Variants in RASSF3 observed in about 807,000 individuals in gnomAD.
The protein encoded by RASSF3 is ras association domain-containing protein 3.
A neutral mutation model predicts 19.9 loss-of-function variants in RASSF3; 19 were observed. That is an observed-to-expected ratio of 0.96 (90% CI 0.67 to 1.40). RASSF3 has a LOEUF of 1.40. Among genes scored for constraint, RASSF3 ranks in the 40% most tolerant of loss-of-function variants. The pLI is 0.00. For missense variants in RASSF3, 306 were observed against 289.8 expected, an observed-to-expected ratio of 1.06 and a Z score of -0.41; for synonymous variants, 110 against 104.2, an observed-to-expected ratio of 1.06 and a Z score of -0.34.
intron 2 of RASSF3, among the ~76,000 whole-genome samples, chr12:64,562,379 C>T (rs1415100848): frequency 6.6e-6 from 1 of 152,118 alleles, no homozygotes; most frequent in African/African-American, 2.4e-5. Flanking sequence ...GCTCCTTAGA[C>T]ATCCTGGTTA....
At chr12:64,604,129 C>CTTT (rs201730918) in intron 2 of RASSF3, among the ~76,000 whole-genome samples, 2 of 126,010 alleles carry the variant, frequency 1.6e-5, no homozygotes, top group African/African-American at 2.9e-5. Flanking sequence ...TACAGGTTTT[C>CTTT]TTTTTTTTTT....
chr12:64,594,459 C>CA (rs1245303873), intron 2 of RASSF3, among the ~76,000 whole-genome samples: 1 of 152,070 alleles, frequency 6.6e-6, no homozygotes, highest in African/African-American at 2.4e-5. Flanking sequence ...ACTGAATAAA[C>CA]AAAAACAATG....
intron 1 of RASSF3, among the ~76,000 whole-genome samples, chr12:64,669,695 G>A (rs886756648): frequency 1.8e-4 from 27 of 151,798 alleles, no homozygotes; most frequent in African/African-American, 3.1e-4. Context: ...AGCAGACCAC[G>A]GCCAGGGTTG....
intron 1 of RASSF3, among the ~76,000 whole-genome samples, chr12:64,537,004 C>T (rs1868840585): frequency 6.6e-6 from 1 of 152,252 alleles, no homozygotes; most frequent in African/African-American, 2.4e-5. Context: ...GGCCACATCT[C>T]CTGTGCTGGA....
chr12:64,522,067 T>C (rs936348188), intron 1 of RASSF3, among the ~76,000 whole-genome samples: 1 of 152,234 alleles, frequency 6.6e-6, no homozygotes, highest in Admixed American at 6.5e-5. Context: ...TTAGGCACGG[T>C]AAACTTTTTT....
downstream of RASSF3, among the ~76,000 whole-genome samples, chr12:64,543,619 C>T (rs1260814962): frequency 6.8e-6 from 1 of 147,236 alleles, no homozygotes; most frequent in Non-Finnish European, 1.5e-5. Flanking sequence ...CATCCACTGC[C>T]CAAGGGCTGA....
At chr12:64,575,882 ATTTTTTT>A (rs766838564) in intron 2 of RASSF3, 2 of 138,296 alleles carry the variant, frequency 1.4e-5, no homozygotes, top group Admixed American at 1.5e-4. Flanking sequence ...TTCTCGACAG[ATTTTTTT>A]TTTTTTTTTT....
rs780943835 is a variant in RASSF3, at chr12:64,688,327, A to G, written c.331A>G (p.Asn111Asp). Reference protein sequence around the residue: ...KLSPSSNGCMNTLHISSTNTV... With the variant: ...KLSPSSNGCMDTLHISSTNTV... ...CTCTCCCAGTAGCAATGGCTGTATG[A>G]ATACACTTCATATCAGCAGCACAAA... is the stretch of plus-strand genomic sequence containing the variant. The change falls in exon 3 of 5, where the codon AAT becomes GAT. Residue 111 changes from asparagine (N) to aspartate (D), a missense_variant. Physicochemically the swap from Asn to Asp is conservative, Grantham distance 23 (BLOSUM62 1). Transcript: ENST00000542104. The G allele has an allele frequency of 1.2e-6, 2 of 1,613,926 alleles. No individual in the cohort carries two copies.
At chr12:64,602,844 G>A (rs562487778) in intron 2 of RASSF3, among the ~76,000 whole-genome samples, 23 of 152,310 alleles carry the variant, frequency 1.5e-4, no homozygotes, top group African/African-American at 4.3e-4. Flanking sequence ...GCTCACGCCT[G>A]TAATCCCAGC....
In RASSF3 at chr12:64,564,804, G is replaced by A. The variant is rs969219333; in HGVS notation, c.294+23099G>A. Reference sequence around the variant, plus strand: ...TGTTTTTTGTTTTTTTTTTTGAGAGGGAGTCTCGCTCTGTTGCCCAGGCTG... The same window carrying A: ...TGTTTTTTGTTTTTTTTTTTGAGAGAGAGTCTCGCTCTGTTGCCCAGGCTG... On this transcript the variant is annotated intron_variant, in intron 2 of 5. Transcript: ENST00000637125. Among the ~76,000 whole-genome samples, 5 of 150,320 alleles carry A rather than the reference G, an allele frequency of 3.3e-5. No homozygotes were observed. The South Asian group carries it at 1.0e-3, about 31-fold the overall frequency.
intron 2 of RASSF3, among the ~76,000 whole-genome samples, chr12:64,552,301 C>CT (rs56406049): frequency 0.14 from 21,623 of 151,516 alleles, 1,940 homozygotes; most frequent in African/African-American, 0.25. Flanking sequence ...CCCTTATTTT[C>CT]TTTTTTTAAT....
chr12:64,676,922 C>T (rs1403713131), intron 1 of RASSF3, among the ~76,000 whole-genome samples: 4 of 152,094 alleles, frequency 2.6e-5, no homozygotes, highest in South Asian at 2.1e-4. Context: ...GCGCACACCA[C>T]GATGCCCAGC....
At chr12:64,561,159 C>T (rs35504730) in intron 2 of RASSF3, among the ~76,000 whole-genome samples, 76,193 of 151,856 alleles carry the variant, frequency 0.5, 21,915 homozygotes, top group Non-Finnish European at 0.65. Context: ...TCCCTGCAGC[C>T]GGAGAGCTGA....
chr12:64,652,278 A>G (rs1249015844), intron 1 of RASSF3, among the ~76,000 whole-genome samples: 1 of 152,188 alleles, frequency 6.6e-6, no homozygotes, highest in Non-Finnish European at 1.5e-5. Flanking sequence ...TTTAAAGACA[A>G]TGTTCATTGA....
chr12:64,634,480 C>G (rs1565856471), intron 1 of RASSF3, among the ~76,000 whole-genome samples: 1 of 151,968 alleles, frequency 6.6e-6, no homozygotes, highest in Admixed American at 6.6e-5. Flanking sequence ...GAAGGGTTAT[C>G]CACTTGAAAA....
intron 2 of RASSF3, among the ~76,000 whole-genome samples, chr12:64,554,398 A>T (rs762186488): frequency 4.6e-5 from 7 of 152,152 alleles, no homozygotes; most frequent in Non-Finnish European, 1.0e-4. Flanking sequence ...TTTGCCTCCT[A>T]GGTTCAAGAG....
chr12:64,532,333 T>C (rs1868729330), upstream of RASSF3, among the ~76,000 whole-genome samples: 1 of 151,814 alleles, frequency 6.6e-6, no homozygotes. Flanking sequence ...AATTGTGATC[T>C]AACCTATCAT....
chr12:64,666,691 T>G (rs78240070), intron 1 of RASSF3, among the ~76,000 whole-genome samples: 2,551 of 152,296 alleles, frequency 0.017, 80 homozygotes, highest in African/African-American at 0.058. Context: ...CCAAGGTGTT[T>G]CCTTGGCAGT....
chr12:64,592,934 A>G lies in RASSF3; in HGVS notation c.294+51229A>G, dbSNP rs540100671. Among the ~76,000 whole-genome samples the G allele has an allele frequency of 1.6e-3, 236 of 152,106 alleles. 1 individual carries two copies. Among genetic ancestry groups the G allele is most frequent in the Middle Eastern group, 0.014 (4 of 294 alleles). ...AGATTACAGGCATGAGCCACTGTGCATGACTGGCGTTTGCTCTTCTCGATG... is the reference window on the plus strand; with the variant it reads ...AGATTACAGGCATGAGCCACTGTGCGTGACTGGCGTTTGCTCTTCTCGATG... On this transcript the variant is annotated intron_variant, in intron 2 of 5. Coordinates refer to the RASSF3 transcript ENST00000637125.
Sources: allele counts gnomAD v4.1 joint callset (sites outside exome capture counted in the v4.1 genomes callset), GRCh38; gene constraint gnomAD v4.1.1; transcripts MANE v1.5; gene names NCBI Gene and HGNC (gene_info 2026-07-23, HGNC 2026-07-21).